The following FLVCR2 variants were observed in gnomAD, a reference collection of about 807,000 sequenced individuals.
The protein encoded by FLVCR2 is FLVCR choline and putative heme transporter 2, also known as choline/ethanolamine transporter FLVCR2.
Under a neutral mutation model 48.9 loss-of-function variants are expected in FLVCR2, and 38 were observed. The observed-to-expected ratio is 0.78, with a 90% CI of 0.60 to 1.02. The LOEUF is 1.02. FLVCR2 is among the 50% of genes least tolerant of loss of function. FLVCR2 has a pLI of 0.00. For synonymous variants in FLVCR2, 255 were observed against 257.0 expected (o/e 0.99, Z 0.07); for missense variants, 664 against 663.3 (o/e 1.00, Z -0.01).
chr14:75,627,943 T>G (rs537062256), intron 3 of FLVCR2, among the ~76,000 whole-genome samples: 2 of 152,338 alleles, frequency 1.3e-5, no homozygotes, highest in African/African-American at 4.8e-5. Context: ...TCATTTAATT[T>G]TCAAAACAAA....
At chr14:75,621,992 A>C in intron 1 of FLVCR2, 87 bp from the exon 2 acceptor site, 1 of 1,374,268 alleles carries the variant, frequency 7.3e-7, no homozygotes, top group East Asian at 2.3e-5. Flanking sequence ...GTTGGAAATT[A>C]GATTTCTTAT....
rs756986802 is a variant in FLVCR2, at chr14:75,624,636, C to A, written c.836C>A (p.Pro279His). ...IIVFKEKPKYPPSRAQSLSYA... is the reference protein window; with the variant it reads ...IIVFKEKPKYHPSRAQSLSYA... ...GTGTTCAAGGAGAAACCTAAATATC[C>A]CCCCAGCAGGGCCCAATCCCTGAGC... is the stretch of plus-strand genomic sequence containing the variant. Residue 279 changes from proline to histidine, a missense_variant, in exon 3 of 10, where the codon CCC (proline) becomes CAC (histidine). Coordinates refer to ENST00000238667, the MANE Select transcript of FLVCR2 (RefSeq NM_017791.3). 1.9e-6 allele frequency: 3 copies of A among 1,614,056 alleles called. No individual in the cohort carries two copies. Among genetic ancestry groups the A allele is most frequent in the Non-Finnish European group, 2.5e-6 (3 of 1,180,012 alleles).
intron 1 of FLVCR2, among the ~76,000 whole-genome samples, chr14:75,612,416 ACCCTACTC>A (rs1343922209): frequency 6.6e-6 from 1 of 152,168 alleles, no homozygotes; most frequent in Non-Finnish European, 1.5e-5. Flanking sequence ...GCCAGCTGTA[ACCCTACTC>A]CCTAAGTTCT....
In FLVCR2 at chr14:75,647,997, A is replaced by G. The variant is rs539389083; in HGVS notation, c.*1525A>G. The G allele has an allele frequency of 2.0e-5, 3 of 153,050 alleles. No individual in the cohort carries two copies. The highest frequency in any genetic ancestry group is 4.1e-4 in the South Asian group (2 of 4,836). The allele number at this position is 153,050 out of a possible 1,614,324, so 9.5% of individuals were successfully genotyped here. A position where few individuals can be genotyped will look rare whatever the true frequency, so the allele number is the denominator to read the frequency against. ...CAGAAGTAGTGAGTCAGTGTGGAAGAGAGGTGAGGGTGTGCTTTACTTTTT... is the reference window on the plus strand; with the variant it reads ...CAGAAGTAGTGAGTCAGTGTGGAAGGGAGGTGAGGGTGTGCTTTACTTTTT... On this transcript the variant is annotated 3_prime_UTR_variant, in exon 10 of 10. Transcript: ENST00000238667.
At chr14:75,636,120 G>A (rs895711424) in intron 5 of FLVCR2, among the ~76,000 whole-genome samples, 5 of 151,920 alleles carry the variant, frequency 3.3e-5, no homozygotes, top group Admixed American at 1.3e-4. Flanking sequence ...GCAGCTGTTG[G>A]GCTGTACTGT....
At chr14:75,618,325 G>A (rs910145594) in intron 1 of FLVCR2, among the ~76,000 whole-genome samples, 9 of 152,272 alleles carry the variant, frequency 5.9e-5, no homozygotes, top group African/African-American at 2.2e-4. Context: ...CAGACCTGAG[G>A]GATAAAAACG....
intron 1 of FLVCR2, among the ~76,000 whole-genome samples, chr14:75,611,629 T>G (rs1336226369): frequency 6.6e-6 from 1 of 152,000 alleles, no homozygotes; most frequent in Non-Finnish European, 1.5e-5. Flanking sequence ...TCGCAGCTAC[T>G]TGGGAGGCCG....
At chr14:75,618,410 G>T (rs1030327415) in intron 1 of FLVCR2, among the ~76,000 whole-genome samples, 10 of 152,198 alleles carry the variant, frequency 6.6e-5, no homozygotes, top group African/African-American at 2.4e-4. Context: ...AATGAAGAGA[G>T]CCTAATTTTG....
chr14:75,596,193 A>C, intron 1 of FLVCR2: 1 of 717,054 alleles, frequency 1.4e-6, no homozygotes, highest in Non-Finnish European at 2.5e-6. Flanking sequence ...GTGGATAGTT[A>C]CTGTGTCGTT....
intron 1 of FLVCR2, among the ~76,000 whole-genome samples, chr14:75,619,477 TCATCCATCCATCCATCCATCCATC>T (rs34627368): frequency 1.3e-5 from 2 of 150,798 alleles, no homozygotes; most frequent in African/African-American, 2.4e-5. Context: ...GTTCATCTGC[TCATCCATCCATCCATCCATCCATC>T]CATCCATCCA....
intron 1 of FLVCR2, among the ~76,000 whole-genome samples, chr14:75,594,862 G>GCACA (rs1207575202): frequency 2.0e-5 from 3 of 152,054 alleles, no homozygotes; most frequent in Non-Finnish European, 4.4e-5. Flanking sequence ...GGGACCATAG[G>GCACA]CACACACTAC....
At chr14:75,601,719 A>T (rs1165155122) in intron 1 of FLVCR2, among the ~76,000 whole-genome samples, 1 of 152,228 alleles carries the variant, frequency 6.6e-6, no homozygotes, top group Non-Finnish European at 1.5e-5. Flanking sequence ...AGATATTTGT[A>T]TACTCGTGTT....
Position 75,579,349 on chromosome 14 carries a change from T to C in FLVCR2, c.377T>C (p.Leu126Pro), listed in dbSNP as rs576346288. Residue 126 changes from leucine (L) to proline (P), a missense_variant, in exon 1 of 10, where the codon CTG (leucine) becomes CCG (proline). Leu to Pro is a moderately conservative substitution (Grantham distance 98). Coordinates refer to ENST00000238667, the MANE Select transcript of FLVCR2 (RefSeq NM_017791.3). The stretch of plus-strand genomic sequence containing the variant: ...GTCAGTGCCTTTGCCATTGACTGGC[T>C]GTCCATGTGCTACATGCTGACTTAC... ...YGVSAFAIDW[L>P]SMCYMLTYIP... 6.2e-7 allele frequency: 1 copy of C among 1,614,262 alleles called. No homozygotes were observed. Among genetic ancestry groups the C allele is most frequent in the South Asian group, 1.1e-5 (1 of 91,078 alleles).
intron 3 of FLVCR2, among the ~76,000 whole-genome samples, chr14:75,627,655 C>T (rs1159707749): frequency 1.3e-5 from 2 of 152,212 alleles, no homozygotes; most frequent in African/African-American, 4.8e-5. Context: ...GGACATGTTG[C>T]TATTTAACCT....
rs1889605366 is a variant in FLVCR2, at chr14:75,616,026, C to CAAAAAAGAAA, written c.670-6047_670-6046insGAAAAAAAAA. Reference sequence around the variant, plus strand: ...TGGGTGACAGAGTGAGACTCCATCTCAAAAAAAAAAAAAAAAAAAAAATAG... The same window carrying CAAAAAAGAAA: ...TGGGTGACAGAGTGAGACTCCATCTCAAAAAAGAAAAAAAAAAAAAAAAAAAAAAAAATAG... On this transcript the variant is annotated intron_variant, in intron 1 of 9. Coordinates refer to ENST00000238667, the MANE Select transcript of FLVCR2 (RefSeq NM_017791.3). 7.8e-5 allele frequency among the ~76,000 whole-genome samples: 2 copies of CAAAAAAGAAA among 25,618 alleles called. 1 individual carries two copies. Among genetic ancestry groups the CAAAAAAGAAA allele is most frequent in the Non-Finnish European group, 1.3e-4 (2 of 15,388 alleles). 16.8% of individuals were successfully genotyped at this position (25,618 alleles called of 152,430 possible).
intron 1 of FLVCR2, among the ~76,000 whole-genome samples, chr14:75,588,979 C>T (rs1052340244): frequency 3.9e-5 from 6 of 152,206 alleles, no homozygotes; most frequent in East Asian, 1.9e-4. Context: ...CTCAAGGCAC[C>T]GTTCATGATG....
chr14:75,646,362 C>G, intron 9 of FLVCR2, 39 bp from the exon 10 acceptor site: 1 of 1,450,798 alleles, frequency 6.9e-7, no homozygotes, highest in Non-Finnish European at 9.7e-7. Context: ...GAGTGCTGTG[C>G]CTTTACCCAC....
chr14:75,589,864 A>G (rs1381804573), intron 1 of FLVCR2, among the ~76,000 whole-genome samples: 1 of 152,238 alleles, frequency 6.6e-6, no homozygotes, highest in East Asian at 1.9e-4. Context: ...GGGGTAGCCA[A>G]GGAATGCCAT....
chr14:75,596,781 C>CG (rs1491232157), intron 1 of FLVCR2, among the ~76,000 whole-genome samples: 757 of 60,410 alleles, frequency 0.013, 13 homozygotes, highest in Middle Eastern at 0.054. Flanking sequence ...TCCTCTTTTG[C>CG]CCCCCCCCCC....
Sources: gnomAD v4.1 joint callset for allele counts (sites outside exome capture counted in the v4.1 genomes callset) on GRCh38, gnomAD v4.1.1 for gene constraint, MANE v1.5 for transcripts, NCBI Gene and HGNC (gene_info 2026-07-23, HGNC 2026-07-21) for gene names.